The following SLMAP variants were observed in gnomAD, a reference collection of about 807,000 sequenced individuals.
The protein encoded by SLMAP is sarcolemmal membrane-associated protein.
A neutral mutation model predicts 128.8 loss-of-function variants in SLMAP; 44 were observed. The ratio of observed to expected loss-of-function variants is 0.34; its 90% CI spans 0.27 to 0.44. The LOEUF is 0.44. SLMAP is among the 20% of genes least tolerant of loss of function. The pLI is 1.00. For synonymous variants in SLMAP, 327 were observed against 348.8 expected, an observed-to-expected ratio of 0.94 and a Z score of 0.70; for missense variants, 787 against 985.3, an observed-to-expected ratio of 0.80 and a Z score of 2.69.
chr3:57,925,509 G>A (rs988579400), intron 23 of SLMAP, among the ~76,000 whole-genome samples: 1 of 151,650 alleles, frequency 6.6e-6, no homozygotes, highest in South Asian at 2.1e-4. Context: ...TGTATTTTTA[G>A]TAGAGACAGC....
chr3:57,926,859 A>G lies in SLMAP; in HGVS notation c.*7-437A>G, dbSNP rs140401299. Among the ~76,000 whole-genome samples the G allele has an allele frequency of 1.3e-3, 195 of 152,324 alleles. 1 individual carries two copies. Among genetic ancestry groups the G allele is most frequent in the African/African-American group, 4.3e-3 (178 of 41,570 alleles). On this transcript the variant is annotated intron_variant, in intron 24 of 24. Transcript: ENST00000671191. ...CTAGACCATTATCACCTTAGCCACT[A>G]TCCCCTTGCATAAAATATCCCAACA...
chr3:57,826,106 T>C (rs956666021), intron 2 of SLMAP, among the ~76,000 whole-genome samples: 7 of 152,204 alleles, frequency 4.6e-5, no homozygotes, highest in Non-Finnish European at 8.8e-5. Flanking sequence ...TTATTTGTTA[T>C]ATTTAATCAC....
At chr3:57,872,127 A>G (rs2095493778) in intron 14 of SLMAP, among the ~76,000 whole-genome samples, 1 of 152,272 alleles carries the variant, frequency 6.6e-6, no homozygotes, top group South Asian at 2.1e-4. Flanking sequence ...GAAGTTGTAA[A>G]AGGCTATCTT....
At chr3:57,887,982 A>G (rs1407274020) in intron 14 of SLMAP, among the ~76,000 whole-genome samples, 1 of 152,230 alleles carries the variant, frequency 6.6e-6, no homozygotes, top group East Asian at 1.9e-4. Context: ...TATCTAGTCA[A>G]AGCATCAATC....
chr3:57,799,246 A>G (rs2087566145), intron 2 of SLMAP, among the ~76,000 whole-genome samples: 2 of 152,194 alleles, frequency 1.3e-5, no homozygotes, highest in African/African-American at 4.8e-5. Context: ...CATTAAATAT[A>G]CCTAGCTAAC....
Position 57,914,535 on chromosome 3 carries a change from T to C in SLMAP, c.2138+1260T>C, listed in dbSNP as rs558506603. On this transcript the variant is annotated intron_variant, in intron 21 of 24. Coordinates refer to ENST00000671191, the MANE Select transcript of SLMAP (RefSeq NM_001377540.1). ...ATATATGTATATGATATATATCATATATGAAATACATATGAGATCTATACA... is the reference window on the plus strand; with the variant it reads ...ATATATGTATATGATATATATCATACATGAAATACATATGAGATCTATACA... Among the ~76,000 whole-genome samples the C allele has an allele frequency of 2.0e-5, 3 of 152,086 alleles. No individual in the cohort carries two copies. The South Asian group carries it at 6.2e-4, about 31-fold the overall frequency.
intron 2 of SLMAP, among the ~76,000 whole-genome samples, chr3:57,798,704 C>T (rs541418155): frequency 2.0e-5 from 3 of 152,126 alleles, no homozygotes; most frequent in Admixed American, 6.6e-5. Flanking sequence ...AGAAATGTAG[C>T]CAAATGCTGT....
intron 14 of SLMAP, among the ~76,000 whole-genome samples, chr3:57,887,333 G>A (rs1035144208): frequency 6.6e-6 from 1 of 151,032 alleles, no homozygotes; most frequent in Admixed American, 6.6e-5. Flanking sequence ...GGGTTCAAAC[G>A]GTTCTCCTGC....
intron 2 of SLMAP, among the ~76,000 whole-genome samples, chr3:57,759,838 C>A (rs1466630880): frequency 6.6e-6 from 1 of 152,172 alleles, no homozygotes; most frequent in East Asian, 1.9e-4. Context: ...ATTTCATGCC[C>A]AGTGCTTTCC....
chr3:57,770,675 A>C (rs753592208), intron 2 of SLMAP, among the ~76,000 whole-genome samples: 1 of 152,180 alleles, frequency 6.6e-6, no homozygotes, highest in African/African-American at 2.4e-5. Flanking sequence ...AGTTTTCCTC[A>C]TATGTAAAAG....
At chr3:57,771,676 C>G (rs926525770) in intron 2 of SLMAP, among the ~76,000 whole-genome samples, 2 of 152,172 alleles carry the variant, frequency 1.3e-5, no homozygotes, top group Non-Finnish European at 2.9e-5. Flanking sequence ...TAGGCATGAC[C>G]CACTGTACTT....
At chr3:57,790,268 T>A (rs765895683) in intron 2 of SLMAP, among the ~76,000 whole-genome samples, 1 of 152,232 alleles carries the variant, frequency 6.6e-6, no homozygotes, top group African/African-American at 2.4e-5. Context: ...TACATTCAGC[T>A]CTTACTATGT....
chr3:57,760,472 T>A (rs1018327278), intron 2 of SLMAP, among the ~76,000 whole-genome samples: 11 of 152,142 alleles, frequency 7.2e-5, no homozygotes, highest in Admixed American at 2.0e-4. Flanking sequence ...CTATTTAAAG[T>A]TTTGGTTTGG....
chr3:57,909,935 A>G (rs950839659), intron 19 of SLMAP, among the ~76,000 whole-genome samples: 10 of 151,336 alleles, frequency 6.6e-5, no homozygotes, highest in Non-Finnish European at 1.2e-4. Context: ...TTTTTAAAGA[A>G]AATTCAAGGG....
At chr3:57,836,616 G>C (rs2093654057) in intron 3 of SLMAP, among the ~76,000 whole-genome samples, 1 of 152,142 alleles carries the variant, frequency 6.6e-6, no homozygotes, top group South Asian at 2.1e-4. Flanking sequence ...GGGATTAAAG[G>C]CTTGAGCCAC....
At chr3:57,850,581 G>A (rs1050381880) in intron 6 of SLMAP, among the ~76,000 whole-genome samples, 2 of 151,970 alleles carry the variant, frequency 1.3e-5, no homozygotes, top group African/African-American at 4.8e-5. Context: ...GCCATGCCGA[G>A]CCCCAAAACA....
intron 17 of SLMAP, among the ~76,000 whole-genome samples, chr3:57,904,850 C>G (rs912020290): frequency 5.3e-5 from 8 of 152,090 alleles, no homozygotes; most frequent in African/African-American, 1.9e-4. Flanking sequence ...AGGGTAGTCC[C>G]ACAGCAAAGA....
intron 14 of SLMAP, among the ~76,000 whole-genome samples, chr3:57,887,377 G>A (rs1020799839): frequency 3.3e-5 from 5 of 151,766 alleles, no homozygotes; most frequent in Admixed American, 3.3e-4. Flanking sequence ...TTACAGACAT[G>A]CGCCACCACA....
chr3:57,891,654 G>T (rs911716182), intron 15 of SLMAP, among the ~76,000 whole-genome samples: 1 of 151,290 alleles, frequency 6.6e-6, no homozygotes. Flanking sequence ...TCAGCTCACT[G>T]CAACCTCCAC....
Sources: gnomAD v4.1 joint callset for allele counts (sites outside exome capture counted in the v4.1 genomes callset) on GRCh38, gnomAD v4.1.1 for gene constraint, MANE v1.5 for transcripts, NCBI Gene and HGNC (gene_info 2026-07-23, HGNC 2026-07-21) for gene names.